Variants in LRRC41 observed in about 807,000 individuals in gnomAD.
LRRC41 encodes leucine rich repeat containing 41, also known as leucine-rich repeat-containing protein 41.
Under a neutral mutation model 72.1 loss-of-function variants are expected in LRRC41, and 17 were observed. The observed-to-expected ratio is 0.24, with a 90% CI of 0.16 to 0.35. The LOEUF is 0.35. Ranked by LOEUF, LRRC41 falls within the 10% of genes least tolerant of loss-of-function variation. The pLI, the probability that LRRC41 is intolerant of heterozygous loss-of-function variation, is 1.00. For missense variants in LRRC41, 759 were observed against 1,065.0 expected, an observed-to-expected ratio of 0.71 and a Z score of 4.00; for synonymous variants, 427 against 431.0, an observed-to-expected ratio of 0.99 and a Z score of 0.11.
chr1:46,285,020 G>A lies in LRRC41; in HGVS notation c.1495+342C>T, dbSNP rs1003888681. 1.1e-5 allele frequency: 3 copies of A among 266,596 alleles called. No individual in the cohort carries two copies. The highest frequency in any genetic ancestry group is 4.3e-5 in the African/African-American group (2 of 46,706). 16.5% of individuals were successfully genotyped at this position (266,596 alleles called of 1,614,324 possible). ...CTACTCTGATATGACTGGTGAGGTG[G>A]TGAGGTCAAACTCTAGCCCTGCCTG... On this transcript the variant is annotated intron_variant, in intron 4 of 9. Coordinates refer to ENST00000617190, the MANE Select transcript of LRRC41 (RefSeq NM_006369.5). This position sits in a 1 kb window ranked among gnomAD's most constrained non-coding sequence, Gnocchi z 5.3.
chr1:46,292,951 C>G (rs1023582758), intron 3 of LRRC41, among the ~76,000 whole-genome samples: 1 of 152,046 alleles, frequency 6.6e-6, no homozygotes, highest in Non-Finnish European at 1.5e-5. Context: ...TTTGGGAGAC[C>G]GAGGCGGGTG....
At chr1:46,296,108 T>C (rs1661120265) in intron 3 of LRRC41, among the ~76,000 whole-genome samples, 1 of 152,192 alleles carries the variant, frequency 6.6e-6, no homozygotes, top group Non-Finnish European at 1.5e-5. Flanking sequence ...TATTTGTAGA[T>C]TTCCCTATTA....
At chr1:46,300,851 T>C (rs944991110) in intron 1 of LRRC41, 1 of 152,256 alleles carries the variant, frequency 6.6e-6, no homozygotes, top group Non-Finnish European at 1.5e-5. Context: ...TCCTCTAAAA[T>C]AGCAATGCTT....
intron 3 of LRRC41, among the ~76,000 whole-genome samples, chr1:46,290,310 G>A (rs1660980955): frequency 6.6e-6 from 1 of 152,172 alleles, no homozygotes; most frequent in African/African-American, 2.4e-5. Context: ...TTGGGAGGCT[G>A]AGGTGGGAGG....
At chr1:46,298,130 T>C (rs1042146585) in intron 2 of LRRC41, among the ~76,000 whole-genome samples, 154 bp downstream of exon 2, 2 of 152,222 alleles carry the variant, frequency 1.3e-5, no homozygotes, top group Non-Finnish European at 2.9e-5. Context: ...TTGTGTTTCA[T>C]AGGACACTGA....
chr1:46,281,623 A>AC (rs1380443099), intron 4 of LRRC41, among the ~76,000 whole-genome samples: 1 of 152,242 alleles, frequency 6.6e-6, no homozygotes, highest in African/African-American at 2.4e-5. Context: ...GGGCAGAGTC[A>AC]CAAAATTGAG....
At chr1:46,293,109 G>A (rs537272241) in intron 3 of LRRC41, among the ~76,000 whole-genome samples, 10 of 151,650 alleles carry the variant, frequency 6.6e-5, no homozygotes, top group African/African-American at 1.7e-4. Flanking sequence ...ACTTGAACCC[G>A]GGAGGCAGAG....
rs1033537814 is a variant in LRRC41, at chr1:46,278,846, CTG to C, written c.*17_*18del. ...CAAGCTGATGGTACCGAGCATGAGACTGTGAGGTACGGGCCCCATCACATGGT... is the reference window on the plus strand; with the variant it reads ...CAAGCTGATGGTACCGAGCATGAGACTGAGGTACGGGCCCCATCACATGGT... On this transcript the variant is annotated 3_prime_UTR_variant, in exon 10 of 10. Transcript: ENST00000617190. 21 of 1,602,824 alleles carry C rather than the reference CTG, an allele frequency of 1.3e-5. No individual in the cohort carries two copies. The highest frequency in any genetic ancestry group is 5.3e-5 in the African/African-American group (4 of 74,856).
chr1:46,297,851 C>T (rs1661154745), intron 2 of LRRC41, among the ~76,000 whole-genome samples: 1 of 152,190 alleles, frequency 6.6e-6, no homozygotes, highest in South Asian at 2.1e-4. Context: ...TCAGTCTCCT[C>T]ATCTGTAAAA....
At chr1:46,281,053 A>G (rs1012867482) in intron 5 of LRRC41, 72 bp downstream of exon 5, 2 of 1,572,806 alleles carry the variant, frequency 1.3e-6, no homozygotes, top group African/African-American at 2.7e-5. Context: ...CTTTCCCCAT[A>G]CGAATGCATC....
intron 3 of LRRC41, among the ~76,000 whole-genome samples, chr1:46,290,747 C>T (rs1224494687): frequency 6.6e-6 from 1 of 151,574 alleles, no homozygotes. Flanking sequence ...GCTGAGACTA[C>T]AGGCACACAA....
At position 46,285,899 on chromosome 1, in the gene LRRC41, T is replaced by G; in HGVS notation, c.958A>C (p.Thr320Pro). The stretch of plus-strand genomic sequence containing the variant: ...TGTGTGCTCCGGCGTGTTACCCGAG[T>G]GGCAGGTGCAGCTCTGGGCATCTGC... ...AKQMPRAAPA[T>P]RVTRRSTQES... Residue 320 changes from threonine (T) to proline (P), a missense_variant, in exon 4 of 10, where the codon ACT becomes CCT. This residue lies in a region of LRRC41 where 427 missense variants were observed against 520.9 expected (regional missense o/e 0.82). Transcript: ENST00000617190. The surrounding 1 kb of genome is among the most constrained non-coding windows in gnomAD (Gnocchi z 5.3). 1 of 1,548,922 alleles carries G rather than the reference T, an allele frequency of 6.5e-7. No homozygotes were observed. The highest frequency in any genetic ancestry group is 1.2e-5 in the South Asian group (1 of 80,550).
chr1:46,302,282 G>T lies in LRRC41; in HGVS notation c.199+842C>A, dbSNP rs1661251705. ...TCCCCGGGCCGTCGCCCCGCTTGGG[G>T]CCTCCTTGGCCCTTCCCGCCTGTCC... On this transcript the variant is annotated intron_variant, in intron 1 of 9. Transcript: ENST00000617190. The surrounding 1 kb of genome is among the most constrained non-coding windows in gnomAD (Gnocchi z 4.7). The T allele has an allele frequency of 2.0e-6, 2 of 985,246 alleles. No homozygotes were observed. The highest frequency in any genetic ancestry group is 1.7e-5 in the African/African-American group (1 of 57,304). The allele number at this position is 985,246 out of a possible 1,614,324, so 61.0% of individuals were successfully genotyped here. A position where few individuals can be genotyped will look rare whatever the true frequency, so the allele number is the denominator to read the frequency against.
In LRRC41 at chr1:46,280,972, T is replaced by C. The variant is rs150081285; in HGVS notation, c.1756+153A>G. On this transcript the variant is annotated intron_variant, in intron 5 of 9. Coordinates refer to ENST00000617190, the MANE Select transcript of LRRC41 (RefSeq NM_006369.5). ...AGGCCCTGTCTAGCTCAAGAGTATCTTAGTGGTAGGCTCTAAAGGGGGGAT... is the reference window on the plus strand; with the variant it reads ...AGGCCCTGTCTAGCTCAAGAGTATCCTAGTGGTAGGCTCTAAAGGGGGGAT... Among the ~76,000 whole-genome samples the C allele has an allele frequency of 3.3e-3, 508 of 152,292 alleles. 2 individuals are homozygous for C. Among genetic ancestry groups the C allele is most frequent in the African/African-American group, 0.011 (463 of 41,556 alleles).
chr1:46,285,845 G>A lies in LRRC41; in HGVS notation c.1012C>T (p.Leu338Phe). The change falls in exon 4 of 10, where the codon CTT becomes TTT. Residue 338 changes from leucine (L) to phenylalanine (F), a missense_variant. By Grantham distance (22) the Leu-to-Phe change is conservative (BLOSUM62 0). Coordinates refer to ENST00000617190, the MANE Select transcript of LRRC41 (RefSeq NM_006369.5). This position sits in a 1 kb window ranked among gnomAD's most constrained non-coding sequence, Gnocchi z 5.3. ...QESLTAGGTD[L>F]KRELHPPATS... is the part of the protein sequence containing the mutation. ...GCTGGGGGGTGCAGCTCCCTCTTAA[G>A]GTCTGTTCCGCCTGCTGTCAGGCTC... The A allele has an allele frequency of 6.3e-7, 1 of 1,591,032 alleles. No homozygotes were observed. The highest frequency in any genetic ancestry group is 2.2e-5 in the East Asian group (1 of 44,758).
chr1:46,291,255 T>C (rs550198593), intron 3 of LRRC41, among the ~76,000 whole-genome samples: 1 of 152,130 alleles, frequency 6.6e-6, no homozygotes, highest in South Asian at 2.1e-4. Flanking sequence ...TAAACTCTTC[T>C]GTAATAAACA....
At chr1:46,292,068 C>A (rs1488960584) in intron 3 of LRRC41, among the ~76,000 whole-genome samples, 1 of 151,846 alleles carries the variant, frequency 6.6e-6, no homozygotes, top group Non-Finnish European at 1.5e-5. Flanking sequence ...AATCCCAGCA[C>A]TTTGGGAGGC....
rs951814454 is a variant in LRRC41, at chr1:46,302,490, G to A, written c.199+634C>T. ...AGACCCCGGTTGTCGGTTCGCTCCC[G>A]TCAGCCCTGGGCCGTCAGACAGGCC... On this transcript the variant is annotated intron_variant, in intron 1 of 9. Transcript: ENST00000617190. The surrounding 1 kb of genome is among the most constrained non-coding windows in gnomAD (Gnocchi z 4.7). The A allele has an allele frequency of 1.0e-6, 1 of 985,072 alleles. No homozygotes were observed. The highest frequency in any genetic ancestry group is 1.2e-6 in the Non-Finnish European group (1 of 829,846). The allele number at this position is 985,072 out of a possible 1,614,324, so 61.0% of individuals were successfully genotyped here. A position where few individuals can be genotyped will look rare whatever the true frequency, so the allele number is the denominator to read the frequency against.
intron 3 of LRRC41, among the ~76,000 whole-genome samples, chr1:46,288,377 G>T (rs1300901065): frequency 6.6e-6 from 1 of 152,204 alleles, no homozygotes; most frequent in Non-Finnish European, 1.5e-5. Context: ...TGCTTCACAG[G>T]ATTGTTGTGA....
Sources: allele counts gnomAD v4.1 joint callset (sites outside exome capture counted in the v4.1 genomes callset), GRCh38; gene constraint gnomAD v4.1.1; regional missense constraint gnomAD v4.1.1; non-coding constraint Gnocchi (gnomAD v3.1); transcripts MANE v1.5; gene names NCBI Gene and HGNC (gene_info 2026-07-23, HGNC 2026-07-21).